The following DCAF8L2 variants were observed in gnomAD, a reference collection of about 807,000 sequenced individuals.
The protein encoded by DCAF8L2 is DDB1- and CUL4-associated factor 8-like protein 2.
For missense variants in DCAF8L2, 430 were observed against 490.7 expected, an observed-to-expected ratio of 0.88 and a Z score of 1.17; for synonymous variants, 200 against 190.9, an observed-to-expected ratio of 1.05 and a Z score of -0.39.
chrX:27,648,701 A>G (rs1929038556), intron 2 of DCAF8L2, among the ~76,000 whole-genome samples: 1 of 110,995 alleles, frequency 9.0e-6, no homozygotes, highest in Non-Finnish European at 1.9e-5. Context: ...GATTGGACAC[A>G]GTACTGATGT....
At chrX:27,528,282 C>G in the DCAF8L2 span, among the ~76,000 whole-genome samples, 1 of 107,236 alleles carries the variant, frequency 9.3e-6, no homozygotes, top group African/African-American at 3.3e-5. Context: ...AGCATATTCT[C>G]TGTTTACTAT....
chrX:27,533,234 G>GAAAGAGAA, the DCAF8L2 span, among the ~76,000 whole-genome samples: 2 of 33,713 alleles, frequency 5.9e-5, no homozygotes, highest in African/African-American at 1.3e-4. Flanking sequence ...AAGAAAGAAA[G>GAAAGAGAA]AGAAAGAAAG....
chrX:27,480,387 G>A, the DCAF8L2 span, among the ~76,000 whole-genome samples: 1 of 112,128 alleles, frequency 8.9e-6, no homozygotes, highest in Admixed American at 9.5e-5. Flanking sequence ...TTTACATGAC[G>A]AAGGTTGATC....
chrX:27,540,155 T>G, the DCAF8L2 span, among the ~76,000 whole-genome samples: 4 of 111,704 alleles, frequency 3.6e-5, no homozygotes, highest in Non-Finnish European at 7.5e-5. Context: ...TGCCATCCTT[T>G]TTACTGCTGC....
chrX:27,518,164 T>C, the DCAF8L2 span: 1 of 913,531 alleles, frequency 1.1e-6, no homozygotes, highest in Non-Finnish European at 1.6e-6. Context: ...GGATGAAATA[T>C]ATTGCCCGCC....
At chrX:27,637,272 C>T (rs1928540704) in intron 2 of DCAF8L2, among the ~76,000 whole-genome samples, 1 of 112,134 alleles carries the variant, frequency 8.9e-6, no homozygotes. Context: ...CACCAGTACT[C>T]AGGGCTTCTG....
intron 4 of DCAF8L2, among the ~76,000 whole-genome samples, chrX:27,736,921 T>C (rs769974726): frequency 2.7e-5 from 3 of 111,587 alleles, no homozygotes; most frequent in Non-Finnish European, 5.6e-5. Flanking sequence ...TTGCAACAGA[T>C]TGCATGAAGA....
chrX:27,569,244 G>T, the DCAF8L2 span, among the ~76,000 whole-genome samples: 186 of 111,078 alleles, frequency 1.7e-3, no homozygotes, highest in Middle Eastern at 4.6e-3. Context: ...TATTAAAAAT[G>T]AGATATATTT....
At chrX:27,624,184 C>T (rs1450649734) in intron 1 of DCAF8L2, among the ~76,000 whole-genome samples, 3 of 111,474 alleles carry the variant, frequency 2.7e-5, no homozygotes, top group African/African-American at 9.8e-5. Flanking sequence ...ATACTAATAT[C>T]AGGGATTATC....
At position 27,669,895 on chromosome X, in the gene DCAF8L2, C is replaced by T. The variant is rs1415907244; in HGVS notation, c.-219-7941C>T. 1.8e-5 allele frequency among the ~76,000 whole-genome samples: 2 copies of T among 111,361 alleles called. 1 individual carries two copies. Among genetic ancestry groups the T allele is most frequent in the Non-Finnish European group, 3.8e-5 (2 of 53,113 alleles). On this transcript the variant is annotated intron_variant, in intron 2 of 4. Transcript: ENST00000451261. The stretch of plus-strand genomic sequence containing the variant: ...TCATTGCTGGACATTTGGGTTGGTT[C>T]CAAGTCTTTGCCATTGTGAATAGTG...
rs1301122335 is a variant in DCAF8L2 at position 27,748,102 on chromosome X, G to A, written c.1207G>A (p.Glu403Lys). 2 of 1,211,735 alleles carry A rather than the reference G, an allele frequency of 1.7e-6. No homozygotes were observed. The highest frequency in any genetic ancestry group is 5.9e-5 in the East Asian group (2 of 33,838). Residue 403 changes from glutamate to lysine, a missense_variant, in exon 5 of 5, where the codon GAA becomes AAA. Glu to Lys is a moderately conservative substitution (Grantham distance 56, BLOSUM62 1). Transcript: ENST00000451261. ...TGACCAGAGGAAAATTGATAAGAAA[G>A]AAAACAATGGCGTGCTCAAGAAATT... ...IYDQRKIDKKENNGVLKKFTP... is the reference protein window; with the variant it reads ...IYDQRKIDKKKNNGVLKKFTP...
chrX:27,692,394 T>G (rs1274340939), intron 3 of DCAF8L2, among the ~76,000 whole-genome samples: 1 of 112,069 alleles, frequency 8.9e-6, no homozygotes, highest in Non-Finnish European at 1.9e-5. Context: ...TTGAAATGAA[T>G]TTTTGGTGTC....
Position 27,748,759 on chromosome X carries a change from G to T in DCAF8L2, c.1864G>T (p.Val622Phe). Residue 622 changes from valine to phenylalanine, a missense_variant, in exon 5 of 5, where the codon GTC becomes TTC. Transcript: ENST00000451261. ...SSTSETSEEE[V>F]QDRVQCMPS ...CACTTCAGAGACATCTGAGGAGGAG[G>T]TCCAAGACCGAGTGCAGTGCATGCC... 1 of 1,204,667 alleles carries T rather than the reference G, an allele frequency of 8.3e-7. No homozygotes were observed. The highest frequency in any genetic ancestry group is 1.1e-6 in the Non-Finnish European group (1 of 891,352).
chrX:27,526,748 G>A, the DCAF8L2 span, among the ~76,000 whole-genome samples: 19 of 112,381 alleles, frequency 1.7e-4, no homozygotes, highest in East Asian at 5.3e-3. Context: ...CTGACAGTCA[G>A]GACCCTCAGC....
intron 3 of DCAF8L2, among the ~76,000 whole-genome samples, chrX:27,695,798 A>C (rs1003639270): frequency 3.6e-5 from 4 of 111,458 alleles, no homozygotes; most frequent in Non-Finnish European, 7.5e-5. Context: ...ACTAGGAACT[A>C]TTTTTCAAAT....
At chrX:27,518,233 A>G in the DCAF8L2 span, 3 of 871,269 alleles carry the variant, frequency 3.4e-6, no homozygotes, top group African/African-American at 6.0e-5. Context: ...AGGTTATAAT[A>G]AAGAGATTCA....
At chrX:27,534,624 G>A in the DCAF8L2 span, among the ~76,000 whole-genome samples, 2 of 111,657 alleles carry the variant, frequency 1.8e-5, no homozygotes, top group African/African-American at 6.5e-5. Flanking sequence ...CTTCTCGTGA[G>A]AAACCGTATT....
rs146379905 is a variant in DCAF8L2, at chrX:27,610,459, G to C, written c.-342+20019G>C. ...ATATATAATAAATACTTATTTTAAC[G>C]AAGGAAACATCATGATGTTAGAGTG... is the stretch of plus-strand genomic sequence containing the variant. On this transcript the variant is annotated intron_variant, in intron 1 of 4. Transcript: ENST00000451261. 7.7e-3 allele frequency among the ~76,000 whole-genome samples: 852 copies of C among 110,773 alleles called. 9 individuals are homozygous for C. The highest frequency in any genetic ancestry group is 0.026 in the African/African-American group (786 of 30,450).
chrX:27,722,228 A>ATTTTATT (rs1931923229), intron 4 of DCAF8L2, among the ~76,000 whole-genome samples: 2 of 111,921 alleles, frequency 1.8e-5, no homozygotes, highest in Non-Finnish European at 3.8e-5. Context: ...CAAAATAAAA[A>ATTTTATT]TACCTTGATA....
Sources: gnomAD v4.1 joint callset for allele counts (sites outside exome capture counted in the v4.1 genomes callset) on GRCh38, gnomAD v4.1.1 for gene constraint, MANE v1.5 for transcripts, NCBI Gene and HGNC (gene_info 2026-07-23, HGNC 2026-07-21) for gene names.